GOLGA4: variants seen among roughly 807,000 people sequenced by gnomAD.
The protein encoded by GOLGA4 is golgin A4.
In GOLGA4, 169 loss-of-function variants were observed where a neutral mutation model predicts 265.9. The observed-to-expected ratio is 0.64, with a 90% CI of 0.56 to 0.72. GOLGA4 has a LOEUF of 0.72. GOLGA4 is among the 30% of genes least tolerant of loss of function. GOLGA4 has a pLI of 0.00. For missense variants in GOLGA4, 2,482 were observed against 2,483.4 expected, an observed-to-expected ratio of 1.00 and a Z score of 0.01; for synonymous variants, 923 against 855.8, an observed-to-expected ratio of 1.08 and a Z score of -1.37.
chr3:37,326,933 G>C lies in GOLGA4; in HGVS notation c.5047G>C (p.Glu1683Gln), dbSNP rs1440332203. Residue 1683 changes from glutamate to glutamine, a missense_variant, in exon 14 of 24, where the codon GAA becomes CAA. Physicochemically the swap from Glu to Gln is conservative, Grantham distance 29 (BLOSUM62 2). Transcript: ENST00000361924. ...GAGTGAGCTAAATACAAAATTGCAG[G>C]AAAGAGAAAGGGAAGTTCACATCTT... The part of the protein sequence containing the change: ...HLSELNTKLQ[E>Q]REREVHILEE... 1.2e-6 allele frequency: 2 copies of C among 1,613,746 alleles called. No individual in the cohort carries two copies. The highest frequency in any genetic ancestry group is 2.2e-5 in the East Asian group (1 of 44,882).
Position 37,327,316 on chromosome 3 carries a change from G to T in GOLGA4, c.5430G>T (p.Leu1810Phe), listed in dbSNP as rs769203935. Reference protein sequence around the residue: ...ELEEKNKKYSLIVAQHVEKEG... With the variant: ...ELEEKNKKYSFIVAQHVEKEG... ...AAGAAAAAAACAAGAAATATTCCTT[G>T]ATAGTAGCCCAGCATGTGGAAAAAG... is the stretch of plus-strand genomic sequence containing the variant. The change falls in exon 14 of 24, where the codon TTG (leucine) becomes TTT (phenylalanine). Residue 1810 changes from leucine to phenylalanine, a missense_variant. Around this residue, in one of 3 missense-constraint regions of GOLGA4, gnomAD observed 942 missense variants for 983.1 expected, o/e 0.96. Transcript: ENST00000361924. The T allele has an allele frequency of 6.2e-7, 1 of 1,613,824 alleles. No homozygotes were observed. Among genetic ancestry groups the T allele is most frequent in the Admixed American group, 1.7e-5 (1 of 59,998 alleles).
chr3:37,283,488 C>T (rs1054400601), intron 3 of GOLGA4, among the ~76,000 whole-genome samples: 6 of 152,214 alleles, frequency 3.9e-5, no homozygotes, highest in Admixed American at 2.6e-4. Flanking sequence ...GTAGTATTTA[C>T]GTATGCTAGA....
At chr3:37,360,614 T>G (rs1696178286) in intron 22 of GOLGA4, among the ~76,000 whole-genome samples, 1 of 152,174 alleles carries the variant, frequency 6.6e-6, no homozygotes, top group South Asian at 2.1e-4. Context: ...TTTTGGACAA[T>G]GACCATCTTA....
At chr3:37,353,841 C>T (rs527263778) in intron 21 of GOLGA4, among the ~76,000 whole-genome samples, 3 of 152,040 alleles carry the variant, frequency 2.0e-5, no homozygotes, top group Non-Finnish European at 2.9e-5. Context: ...GATCCTCCCA[C>T]CTCAGTCTCC....
intron 20 of GOLGA4, among the ~76,000 whole-genome samples, 154 bp downstream of exon 20, chr3:37,340,353 A>G (rs1441475977): frequency 3.9e-5 from 6 of 152,130 alleles, no homozygotes; most frequent in Non-Finnish European, 8.8e-5. Flanking sequence ...GCATATATGT[A>G]TAGTGTGCAA....
At chr3:37,302,573 A>G (rs2096895914) in intron 10 of GOLGA4, among the ~76,000 whole-genome samples, 1 of 152,256 alleles carries the variant, frequency 6.6e-6, no homozygotes, top group Non-Finnish European at 1.5e-5. Context: ...TTACATTTTT[A>G]AATACTTGAA....
intron 5 of GOLGA4, among the ~76,000 whole-genome samples, chr3:37,292,443 T>C (rs1028375944): frequency 6.6e-6 from 1 of 152,146 alleles, no homozygotes; most frequent in Non-Finnish European, 1.5e-5. Flanking sequence ...ATCCCAGCAC[T>C]TTGGGAGGCT....
intron 5 of GOLGA4, 126 bp from the exon 6 acceptor site, chr3:37,294,853 C>A: frequency 3.4e-6 from 2 of 580,906 alleles, no homozygotes; most frequent in Admixed American, 3.1e-5. Context: ...ACTAATTATT[C>A]TCTAATTATT....
intron 7 of GOLGA4, 42 bp from the exon 8 acceptor site, chr3:37,298,791 A>G: frequency 7.1e-7 from 1 of 1,404,666 alleles, no homozygotes; most frequent in Non-Finnish European, 9.8e-7. Context: ...GCAGTTTCAT[A>G]TTCCTTACTG....
intron 2 of GOLGA4, among the ~76,000 whole-genome samples, chr3:37,261,143 C>T (rs1367426926): frequency 2.0e-5 from 3 of 152,020 alleles, no homozygotes; most frequent in Non-Finnish European, 4.4e-5. Flanking sequence ...CGCACTCCAC[C>T]CTTGGTGACA....
At chr3:37,306,196 T>G (rs567475921) in intron 10 of GOLGA4, among the ~76,000 whole-genome samples, 1 of 152,348 alleles carries the variant, frequency 6.6e-6, no homozygotes, top group South Asian at 2.1e-4. Flanking sequence ...GGCATAGTTT[T>G]TGACGTATGA....
At chr3:37,275,568 T>G (rs1010052750) in intron 2 of GOLGA4, 19 of 1,118,760 alleles carry the variant, frequency 1.7e-5, no homozygotes, top group Non-Finnish European at 2.6e-5. Context: ...GAAGGGGGCC[T>G]AGGCCCGGGC....
intron 12 of GOLGA4, among the ~76,000 whole-genome samples, chr3:37,320,849 A>G (rs2096952872): frequency 1.3e-5 from 2 of 152,134 alleles, no homozygotes; most frequent in African/African-American, 2.4e-5. Context: ...TTATGGGCAT[A>G]TAGAGATATA....
rs191357155 is a variant in GOLGA4, at chr3:37,300,401, G to A, written c.1086+1030G>A. On this transcript the variant is annotated intron_variant, in intron 9 of 23. Transcript: ENST00000361924. The stretch of plus-strand genomic sequence containing the variant: ...AAGAACATGTCAGAGCTGTCCTGCT[G>A]TTAAAATGTATTGGCAATCTTTTTC... Among the ~76,000 whole-genome samples the A allele has an allele frequency of 2.0e-5, 3 of 152,082 alleles. No individual in the cohort carries two copies. In the East Asian group the frequency reaches 5.8e-4, roughly 29 times the overall value.
intron 22 of GOLGA4, among the ~76,000 whole-genome samples, chr3:37,357,048 G>A (rs2097092661): frequency 6.6e-6 from 1 of 151,578 alleles, no homozygotes; most frequent in East Asian, 1.9e-4. Flanking sequence ...GTAGTGAATC[G>A]ATAAAACTCT....
intron 2 of GOLGA4, among the ~76,000 whole-genome samples, chr3:37,273,149 G>C (rs1241930440): frequency 6.6e-6 from 1 of 151,978 alleles, no homozygotes; most frequent in Non-Finnish European, 1.5e-5. Flanking sequence ...TTTTATTGTA[G>C]GAAAAAATTG....
intron 2 of GOLGA4, among the ~76,000 whole-genome samples, chr3:37,270,675 G>C (rs1287468071): frequency 6.6e-6 from 1 of 151,990 alleles, no homozygotes. Context: ...TATATTAACT[G>C]GCCAAGAGAA....
intron 11 of GOLGA4, 141 bp from the exon 12 acceptor site, chr3:37,318,922 G>A (rs778919923): frequency 9.3e-5 from 53 of 568,754 alleles, no homozygotes; most frequent in African/African-American, 6.9e-4. Context: ...ATCTATGCAG[G>A]AAATGTGTTT....
intron 10 of GOLGA4, among the ~76,000 whole-genome samples, chr3:37,310,825 G>A (rs925325815): frequency 2.6e-5 from 4 of 151,804 alleles, no homozygotes; most frequent in African/African-American, 7.3e-5. Context: ...GCGGCAGTTC[G>A]TGCTTAGCCT....
Sources: gnomAD v4.1 joint callset for allele counts (sites outside exome capture counted in the v4.1 genomes callset) on GRCh38, gnomAD v4.1.1 for gene constraint, gnomAD v4.1.1 regional missense constraint, MANE v1.5 for transcripts, NCBI Gene and HGNC (gene_info 2026-07-23, HGNC 2026-07-21) for gene names.